Variants in FRS2 observed in about 807,000 individuals in gnomAD.
The protein encoded by FRS2 is FGFR signalling adaptor.
Under a neutral mutation model 43.9 loss-of-function variants are expected in FRS2, and 8 were observed. The ratio of observed to expected loss-of-function variants is 0.18; its 90% CI spans 0.11 to 0.33. The LOEUF is 0.33. FRS2 is among the 10% of genes least tolerant of loss of function. The probability of loss-of-function intolerance (pLI) is 1.00; values close to 1 mark genes in which losing one functional copy is unlikely to be tolerated. For missense variants in FRS2, 534 were observed against 627.6 expected, an observed-to-expected ratio of 0.85 and a Z score of 1.59; for synonymous variants, 219 against 220.3, an observed-to-expected ratio of 0.99 and a Z score of 0.05.
rs1017200732 is a variant in FRS2, at chr12:69,521,707, C to T, written c.-260-9158C>T. On this transcript the variant is annotated intron_variant, in intron 1 of 8. Coordinates refer to ENST00000549921, the MANE Select transcript of FRS2 (RefSeq NM_001278356.2). ...TTGGCTCACTGCAAGCTCTGCCTCC[C>T]GGGTTCACGCCATTCTCCTGCCTCA... Among the ~76,000 whole-genome samples, 6 of 151,824 alleles carry T rather than the reference C, an allele frequency of 4.0e-5. No homozygotes were observed. In the East Asian group the frequency reaches 5.8e-4, roughly 15 times the overall value.
intron 1 of FRS2, among the ~76,000 whole-genome samples, chr12:69,506,750 T>A (rs1873969303): frequency 6.6e-6 from 1 of 152,236 alleles, no homozygotes; most frequent in Non-Finnish European, 1.5e-5. Flanking sequence ...TGTCTTAATA[T>A]TGGCAGCCTT....
intron 3 of FRS2, among the ~76,000 whole-genome samples, chr12:69,557,629 C>G (rs977747749): frequency 8.9e-6 from 1 of 111,854 alleles, no homozygotes; most frequent in Non-Finnish European, 1.8e-5. Flanking sequence ...TGCGCGCGCG[C>G]GCGCGCGCAG....
At chr12:69,506,476 GTTTTT>G (rs1033845158) in intron 1 of FRS2, among the ~76,000 whole-genome samples, 1 of 151,394 alleles carries the variant, frequency 6.6e-6, no homozygotes, top group Admixed American at 6.6e-5. Context: ...TATGTATTCT[GTTTTT>G]TTTCTTTTCT....
At chr12:69,550,790 A>T (rs1284118915) in intron 3 of FRS2, among the ~76,000 whole-genome samples, 1 of 152,230 alleles carries the variant, frequency 6.6e-6, no homozygotes, top group African/African-American at 2.4e-5. Flanking sequence ...CATGTGGAAA[A>T]TTTAAAACTT....
rs187473435 is a variant in FRS2 at position 69,473,731 on chromosome 12, G to A, written c.-261+3201G>A. 1.1e-4 allele frequency among the ~76,000 whole-genome samples: 16 copies of A among 152,292 alleles called. No homozygotes were observed. The East Asian group carries it at 2.9e-3, about 28-fold the overall frequency. ...ACTTTCAATGTAGTATAAATACTGG[G>A]CAAGGGCAGTGGTAATGGAATTAGA... On this transcript the variant is annotated intron_variant, in intron 1 of 8. Coordinates refer to ENST00000549921, the MANE Select transcript of FRS2 (RefSeq NM_001278356.2).
At chr12:69,557,594 TTGTG>T (rs376896422) in intron 3 of FRS2, among the ~76,000 whole-genome samples, 386 of 137,056 alleles carry the variant, frequency 2.8e-3, no homozygotes, top group South Asian at 0.013. Flanking sequence ...TGAAGGTTGA[TTGTG>T]TGTGTGTGTG....
chr12:69,515,420 C>T (rs1262238636), intron 1 of FRS2, among the ~76,000 whole-genome samples: 1 of 152,214 alleles, frequency 6.6e-6, no homozygotes, highest in African/African-American at 2.4e-5. Context: ...CACTTTGCCT[C>T]AGACTACAAC....
chr12:69,533,739 ATGAGCAATTTGATCT>A (rs1823418702), intron 3 of FRS2, among the ~76,000 whole-genome samples: 1 of 152,156 alleles, frequency 6.6e-6, no homozygotes, highest in Non-Finnish European at 1.5e-5. Flanking sequence ...GGGTGATGAA[ATGAGCAATTTGATCT>A]TGTGTTTTTC....
At chr12:69,484,769 G>A (rs548106375) in intron 1 of FRS2, among the ~76,000 whole-genome samples, 20 of 152,210 alleles carry the variant, frequency 1.3e-4, no homozygotes, top group African/African-American at 2.9e-4. Flanking sequence ...TGGCCTTGAC[G>A]TTTTTTGATG....
At chr12:69,508,024 CAAAAAAAAAAAAA>C (rs11365179) in intron 1 of FRS2, among the ~76,000 whole-genome samples, 2 of 47,582 alleles carry the variant, frequency 4.2e-5, no homozygotes, top group African/African-American at 7.3e-5. Flanking sequence ...AACCCCGTCT[CAAAAAAAAAAAAA>C]AAAAAAAAAA....
intron 1 of FRS2, among the ~76,000 whole-genome samples, chr12:69,477,249 C>T (rs1274069332): frequency 6.7e-6 from 1 of 148,206 alleles, no homozygotes; most frequent in Non-Finnish European, 1.5e-5. Flanking sequence ...ATCTTACATG[C>T]ATGTCGACAG....
chr12:69,496,772 A>G (rs2121024615), intron 1 of FRS2, among the ~76,000 whole-genome samples: 1 of 152,358 alleles, frequency 6.6e-6, no homozygotes. Flanking sequence ...TTGCCTACAA[A>G]AATCGTTGCT....
intron 1 of FRS2, among the ~76,000 whole-genome samples, chr12:69,527,410 G>A (rs183375657): frequency 3.5e-4 from 45 of 126,770 alleles, no homozygotes; most frequent in African/African-American, 1.2e-3. Flanking sequence ...ACTCTAACTC[G>A]TGGGCTCAAA....
At chr12:69,561,709 A>C (rs540646410) in intron 3 of FRS2, among the ~76,000 whole-genome samples, 4 of 152,168 alleles carry the variant, frequency 2.6e-5, no homozygotes, top group African/African-American at 4.8e-5. Context: ...GAATAGGAAG[A>C]TATGGGGGAT....
At chr12:69,556,479 T>C (rs1256653974) in intron 3 of FRS2, among the ~76,000 whole-genome samples, 1 of 152,016 alleles carries the variant, frequency 6.6e-6, no homozygotes, top group Admixed American at 6.6e-5. Flanking sequence ...ACTACAGGCA[T>C]GTACCATCGC....
intron 1 of FRS2, among the ~76,000 whole-genome samples, chr12:69,471,098 A>T (rs1341595890): frequency 6.6e-6 from 1 of 152,086 alleles, no homozygotes; most frequent in Non-Finnish European, 1.5e-5. Flanking sequence ...TGGGCTCGGA[A>T]CCGGTCCTGG....
At chr12:69,548,810 T>G (rs1878631043) in intron 3 of FRS2, among the ~76,000 whole-genome samples, 1 of 152,148 alleles carries the variant, frequency 6.6e-6, no homozygotes, top group African/African-American at 2.4e-5. Flanking sequence ...GAAGAAGTGG[T>G]TACCTGAATC....
intron 3 of FRS2, among the ~76,000 whole-genome samples, chr12:69,545,844 A>G (rs1046236417): frequency 2.0e-5 from 3 of 152,146 alleles, no homozygotes; most frequent in East Asian, 1.9e-4. Flanking sequence ...AAGGGTGCCA[A>G]GACTATTCAA....
intron 1 of FRS2, among the ~76,000 whole-genome samples, chr12:69,471,316 A>G (rs1251292371): frequency 6.6e-6 from 1 of 151,700 alleles, no homozygotes; most frequent in African/African-American, 2.4e-5. Context: ...TCTTTTGGCT[A>G]TCTGATGTCA....
Sources: gnomAD v4.1 joint callset for allele counts (sites outside exome capture counted in the v4.1 genomes callset) on GRCh38, gnomAD v4.1.1 for gene constraint, MANE v1.5 for transcripts, NCBI Gene and HGNC (gene_info 2026-07-23, HGNC 2026-07-21) for gene names.